Variants in IRAK1BP1 observed in about 807,000 individuals in gnomAD.
IRAK1BP1 encodes interleukin 1 receptor associated kinase 1 binding protein 1.
Under a neutral mutation model 28.0 loss-of-function variants are expected in IRAK1BP1, and 24 were observed. The observed-to-expected ratio is 0.86, with a 90% CI of 0.62 to 1.20. IRAK1BP1 has a LOEUF of 1.20. Among genes scored for constraint, IRAK1BP1 ranks in the 50% most tolerant of loss-of-function variants. The pLI is 0.00. For missense variants in IRAK1BP1, 336 were observed against 316.7 expected (o/e 1.06, Z -0.46); for synonymous variants, 131 against 116.3 (o/e 1.13, Z -0.81).
chr6:78,918,783 A>AG (rs1284883708), intron 4 of IRAK1BP1, among the ~76,000 whole-genome samples: 1 of 152,188 alleles, frequency 6.6e-6, no homozygotes, highest in African/African-American at 2.4e-5. Flanking sequence ...TCCTGACAGC[A>AG]CTAAACAGAT....
chr6:78,908,190 A>T (rs1447946017), intron 4 of IRAK1BP1, among the ~76,000 whole-genome samples: 2 of 151,698 alleles, frequency 1.3e-5, no homozygotes, highest in Admixed American at 6.6e-5. Context: ...AGCTGGGAAT[A>T]CAGGTGCCCG....
chr6:78,924,958 C>T (rs1246651726), intron 4 of IRAK1BP1, among the ~76,000 whole-genome samples: 1 of 152,100 alleles, frequency 6.6e-6, no homozygotes, highest in African/African-American at 2.4e-5. Flanking sequence ...GAAAATGTGG[C>T]ACATATACAC....
chr6:78,950,931 G>A (rs1462570957), downstream of IRAK1BP1, among the ~76,000 whole-genome samples: 6 of 151,986 alleles, frequency 3.9e-5, no homozygotes, highest in South Asian at 2.1e-4. Context: ...AGTGAGCTTC[G>A]ATTATTGATT....
the IRAK1BP1 span, among the ~76,000 whole-genome samples, chr6:78,964,892 C>T: frequency 6.6e-6 from 1 of 152,098 alleles, no homozygotes; most frequent in African/African-American, 2.4e-5. Flanking sequence ...ATTAAAATCT[C>T]GACAATATCC....
chr6:78,928,671 A>C (rs1772957356), intron 4 of IRAK1BP1, among the ~76,000 whole-genome samples: 1 of 151,970 alleles, frequency 6.6e-6, no homozygotes, highest in African/African-American at 2.4e-5. Flanking sequence ...TATGGCTTTT[A>C]TTATGTTGAG....
At chr6:78,911,028 C>G (rs1324273010) in intron 4 of IRAK1BP1, among the ~76,000 whole-genome samples, 1 of 152,226 alleles carries the variant, frequency 6.6e-6, no homozygotes, top group Admixed American at 6.5e-5. Context: ...ACACTTCCCT[C>G]CTATGCCCTT....
At chr6:78,973,403 G>T in the IRAK1BP1 span, among the ~76,000 whole-genome samples, 1 of 149,468 alleles carries the variant, frequency 6.7e-6, no homozygotes. Flanking sequence ...GGAAAAACCG[G>T]TACCAGCCGC....
chr6:78,913,782 TA>T, intron 4 of IRAK1BP1, among the ~76,000 whole-genome samples: 1 of 152,222 alleles, frequency 6.6e-6, no homozygotes, highest in East Asian at 1.9e-4. Context: ...TTCAACTATT[TA>T]TATCAAAGGA....
At chr6:78,910,810 T>C (rs1224433169) in intron 4 of IRAK1BP1, among the ~76,000 whole-genome samples, 1 of 152,220 alleles carries the variant, frequency 6.6e-6, no homozygotes, top group Admixed American at 6.5e-5. Context: ...CCTGTCGCAG[T>C]TCCAGGGCGC....
At chr6:78,888,520 A>T (rs1429758098) in intron 2 of IRAK1BP1, among the ~76,000 whole-genome samples, 1 of 143,890 alleles carries the variant, frequency 6.9e-6, no homozygotes. Flanking sequence ...TACAGCTCCA[A>T]TTTTTTTTTT....
At chr6:78,875,432 T>C (rs1581992009) in intron 1 of IRAK1BP1, among the ~76,000 whole-genome samples, 1 of 152,202 alleles carries the variant, frequency 6.6e-6, no homozygotes, top group African/African-American at 2.4e-5. Flanking sequence ...CATTCACTTG[T>C]ATGTTTATTG....
rs1773118170 is a variant in IRAK1BP1 at position 78,933,166 on chromosome 6, A to G, written c.*68-12242A>G. ...GGCATTGACTTCTCTCTAGCTATGA[A>G]AGTCCTAGATTGGTCCTTCTACCAA... On this transcript the variant is annotated intron_variant and NMD_transcript_variant, in intron 4 of 4. Coordinates refer to the IRAK1BP1 transcript ENST00000606868. Among the ~76,000 whole-genome samples, 5 of 152,284 alleles carry G rather than the reference A, an allele frequency of 3.3e-5. No individual in the cohort carries two copies. The South Asian group carries it at 1.0e-3, about 32-fold the overall frequency.
intron 4 of IRAK1BP1, among the ~76,000 whole-genome samples, chr6:78,930,358 T>C (rs973953419): frequency 6.6e-6 from 1 of 152,208 alleles, no homozygotes. Flanking sequence ...ATTTTAAGTA[T>C]ATATACAGTT....
chr6:78,869,299 C>G (rs1280221686), intron 1 of IRAK1BP1, among the ~76,000 whole-genome samples: 1 of 152,126 alleles, frequency 6.6e-6, no homozygotes, highest in African/African-American at 2.4e-5. Context: ...GCAGGTGGAT[C>G]ACTTGAGGCC....
the IRAK1BP1 span, among the ~76,000 whole-genome samples, chr6:78,959,518 T>A: frequency 6.6e-5 from 10 of 152,028 alleles, no homozygotes; most frequent in Non-Finnish European, 1.5e-4. Flanking sequence ...GAACTAGAAG[T>A]TTCACGAAAG....
chr6:78,884,446 C>T (rs1414515103), intron 1 of IRAK1BP1, among the ~76,000 whole-genome samples: 1 of 152,056 alleles, frequency 6.6e-6, no homozygotes, highest in Non-Finnish European at 1.5e-5. Context: ...AGAAATTCAA[C>T]TTTTTTGTCA....
At chr6:78,925,017 AG>A (rs1337676759) in intron 4 of IRAK1BP1, among the ~76,000 whole-genome samples, 2 of 152,212 alleles carry the variant, frequency 1.3e-5, no homozygotes, top group East Asian at 3.9e-4. Context: ...TGTCCTTTGT[AG>A]GGACATGGAT....
intron 4 of IRAK1BP1, among the ~76,000 whole-genome samples, chr6:78,932,315 T>C (rs1773070002): frequency 6.6e-6 from 1 of 152,170 alleles, no homozygotes; most frequent in South Asian, 2.1e-4. Context: ...TAATGGCATC[T>C]AGAATGGTGA....
At chr6:78,949,674 G>A (rs1460301237), downstream of IRAK1BP1, among the ~76,000 whole-genome samples, 2 of 151,718 alleles carry the variant, frequency 1.3e-5, no homozygotes, top group Non-Finnish European at 2.9e-5. Flanking sequence ...ACTTTTCTGG[G>A]ACTCTTTTTT....
Sources: gnomAD v4.1 joint callset for allele counts (sites outside exome capture counted in the v4.1 genomes callset) on GRCh38, gnomAD v4.1.1 for gene constraint, MANE v1.5 for transcripts, NCBI Gene and HGNC (gene_info 2026-07-23, HGNC 2026-07-21) for gene names.